GPC5: variants seen among roughly 807,000 people sequenced by gnomAD.
GPC5 encodes glypican-5.
GPC5 carries 47 observed loss-of-function variants against 53.9 expected under a neutral mutation model. The observed-to-expected ratio is 0.87, with a 90% CI of 0.69 to 1.11. The LOEUF (loss-of-function observed/expected upper bound fraction) is 1.11. Ranked by LOEUF, GPC5 falls within the 50% of genes most tolerant of loss-of-function variation. The pLI is 0.00. For missense variants in GPC5, 748 were observed against 713.1 expected (o/e 1.05, Z -0.56); for synonymous variants, 286 against 263.3 (o/e 1.09, Z -0.84).
At chr13:92,620,257 T>A (rs998347441) in intron 7 of GPC5, among the ~76,000 whole-genome samples, 4 of 151,944 alleles carry the variant, frequency 2.6e-5, no homozygotes, top group African/African-American at 9.7e-5. Context: ...GAAAAATATC[T>A]AATACAAAGA....
intron 7 of GPC5, among the ~76,000 whole-genome samples, chr13:92,653,557 T>C (rs1254419735): frequency 3.9e-5 from 6 of 152,168 alleles, no homozygotes; most frequent in Non-Finnish European, 8.8e-5. Flanking sequence ...TCAAAGGGGA[T>C]AATTAAAGAG....
intron 7 of GPC5, among the ~76,000 whole-genome samples, chr13:92,572,428 G>A (rs1482294844): frequency 1.3e-5 from 2 of 152,130 alleles, no homozygotes; most frequent in African/African-American, 2.4e-5. Context: ...ATCATTCTTT[G>A]TTGTGTTCTT....
intron 7 of GPC5, among the ~76,000 whole-genome samples, chr13:92,345,575 G>A (rs898600328): frequency 2.6e-5 from 4 of 152,092 alleles, no homozygotes; most frequent in Admixed American, 2.6e-4. Flanking sequence ...ACTATCTTGA[G>A]ACACCCACGT....
intron 6 of GPC5, among the ~76,000 whole-genome samples, chr13:92,052,545 C>A (rs1177682138): frequency 1.3e-5 from 2 of 152,198 alleles, no homozygotes; most frequent in Admixed American, 6.5e-5. Context: ...GTCCATTTTA[C>A]AGAGTGTTGA....
At chr13:92,280,279 A>G (rs2042905183) in intron 7 of GPC5, among the ~76,000 whole-genome samples, 1 of 152,044 alleles carries the variant, frequency 6.6e-6, no homozygotes, top group Non-Finnish European at 1.5e-5. Flanking sequence ...GGATTTATCA[A>G]TTTTGCTGAT....
At chr13:92,336,498 A>G (rs2043324035) in intron 7 of GPC5, among the ~76,000 whole-genome samples, 1 of 152,206 alleles carries the variant, frequency 6.6e-6, no homozygotes, top group Admixed American at 6.6e-5. Flanking sequence ...GTAGCAAACT[A>G]AGATGTATCT....
At chr13:92,210,040 C>A (rs1045559271) in intron 7 of GPC5, among the ~76,000 whole-genome samples, 1 of 152,118 alleles carries the variant, frequency 6.6e-6, no homozygotes, top group Non-Finnish European at 1.5e-5. Flanking sequence ...GCCATGCTGG[C>A]AGCTGATTAG....
intron 2 of GPC5, among the ~76,000 whole-genome samples, chr13:91,535,857 A>T (rs1886568174): frequency 6.6e-6 from 1 of 152,050 alleles, no homozygotes; most frequent in Admixed American, 6.6e-5. Flanking sequence ...GTATTCACTA[A>T]TAATAATAAT....
At chr13:91,767,982 G>A (rs115257795) in intron 5 of GPC5, among the ~76,000 whole-genome samples, 283 of 152,168 alleles carry the variant, frequency 1.9e-3, no homozygotes, top group African/African-American at 6.7e-3. Flanking sequence ...TTCATCCTTC[G>A]TTTTCATATT....
intron 7 of GPC5, among the ~76,000 whole-genome samples, chr13:92,632,757 T>C (rs938769604): frequency 6.6e-6 from 1 of 152,130 alleles, no homozygotes; most frequent in Non-Finnish European, 1.5e-5. Context: ...AGGTTTAAGT[T>C]GGACTCTCAG....
At chr13:92,348,303 G>T (rs1442469561) in intron 7 of GPC5, among the ~76,000 whole-genome samples, 3 of 151,514 alleles carry the variant, frequency 2.0e-5, no homozygotes, top group Non-Finnish European at 4.4e-5. Context: ...AAAACAAAAA[G>T]AAAAGCTCAA....
intron 2 of GPC5, among the ~76,000 whole-genome samples, chr13:91,686,008 T>TA (rs1438135442): frequency 1.3e-5 from 2 of 151,702 alleles, no homozygotes; most frequent in Non-Finnish European, 2.9e-5. Flanking sequence ...TATAAAAACA[T>TA]AAAGTTGTGA....
chr13:91,583,189 T>G (rs2032433887), intron 2 of GPC5, among the ~76,000 whole-genome samples: 1 of 152,082 alleles, frequency 6.6e-6, no homozygotes, highest in Non-Finnish European at 1.5e-5. Context: ...ACCACTTCTA[T>G]TCAAATGTTA....
chr13:91,628,785 A>G (rs2034079629), intron 2 of GPC5, among the ~76,000 whole-genome samples: 1 of 152,166 alleles, frequency 6.6e-6, no homozygotes, highest in African/African-American at 2.4e-5. Flanking sequence ...TGCTTGTCAA[A>G]TGTGAATGTG....
intron 2 of GPC5, among the ~76,000 whole-genome samples, chr13:91,518,126 A>T (rs1020425718): frequency 6.6e-6 from 1 of 152,260 alleles, no homozygotes; most frequent in African/African-American, 2.4e-5. Flanking sequence ...AAAATAGCTT[A>T]AATTATTCAT....
At chr13:92,381,897 A>AATATATATGATATATAT (rs2043747842) in intron 7 of GPC5, among the ~76,000 whole-genome samples, 1 of 101,336 alleles carries the variant, frequency 9.9e-6, no homozygotes, top group African/African-American at 3.7e-5. Flanking sequence ...TATTATATAT[A>AATATATATGATATATAT]ATCATATATA....
chr13:91,423,124 C>G (rs2138991863), intron 1 of GPC5, among the ~76,000 whole-genome samples: 1 of 152,274 alleles, frequency 6.6e-6, no homozygotes. Flanking sequence ...TCATGGATTT[C>G]TTGATACAGT....
intron 2 of GPC5, among the ~76,000 whole-genome samples, chr13:91,655,015 G>T (rs911497597): frequency 1.3e-5 from 2 of 152,008 alleles, no homozygotes; most frequent in Non-Finnish European, 2.9e-5. Flanking sequence ...TCTGATTTTT[G>T]CTTGCTTCAG....
chr13:92,010,071 G>T (rs2040646917), intron 6 of GPC5, among the ~76,000 whole-genome samples: 1 of 152,084 alleles, frequency 6.6e-6, no homozygotes, highest in African/African-American at 2.4e-5. Flanking sequence ...TATAAGCTTG[G>T]CAGACTTACT....
Sources: allele counts gnomAD v4.1 joint callset (sites outside exome capture counted in the v4.1 genomes callset), GRCh38; gene constraint gnomAD v4.1.1; transcripts MANE v1.5; gene names NCBI Gene and HGNC (gene_info 2026-07-23, HGNC 2026-07-21).